ATP6V1A: variants seen among roughly 807,000 people sequenced by gnomAD.
The protein encoded by ATP6V1A is ATPase H+ transporting V1 subunit A, also known as V-type proton ATPase catalytic subunit A.
In ATP6V1A, 18 loss-of-function variants were observed where a neutral mutation model predicts 70.1. The observed-to-expected ratio is 0.26, with a 90% confidence interval of 0.18 to 0.38. The LOEUF (loss-of-function observed/expected upper bound fraction) is 0.38. Ranked by LOEUF, ATP6V1A falls within the 10% of genes least tolerant of loss-of-function variation. The probability of loss-of-function intolerance (pLI) is 1.00; values close to 1 mark genes in which losing one functional copy is unlikely to be tolerated. For synonymous variants in ATP6V1A, 232 were observed against 253.8 expected, an observed-to-expected ratio of 0.91 and a Z score of 0.82; for missense variants, 424 against 772.4, an observed-to-expected ratio of 0.55 and a Z score of 5.35.
intron 8 of ATP6V1A, among the ~76,000 whole-genome samples, chr3:113,790,507 T>A (rs190273221): frequency 8.9e-4 from 135 of 152,252 alleles, no homozygotes; most frequent in Non-Finnish European, 1.3e-3. Context: ...ATTAATATAT[T>A]TTGTCTGGGG....
At chr3:113,781,215 A>T in intron 3 of ATP6V1A, 37 bp downstream of exon 3, 5 of 1,574,748 alleles carry the variant, frequency 3.2e-6, no homozygotes, top group Non-Finnish European at 4.3e-6. Flanking sequence ...CACTTTCTAT[A>T]TTTCAAAATT....
chr3:113,795,521 G>A (rs1374852823), intron 10 of ATP6V1A, among the ~76,000 whole-genome samples: 17 of 151,732 alleles, frequency 1.1e-4, no homozygotes, highest in Admixed American at 1.1e-3. Flanking sequence ...TAAAAAGAAA[G>A]TGAAGATTCG....
Position 113,810,550 on chromosome 3 carries a change from A to G in ATP6V1A, c.*1123A>G, listed in dbSNP as rs11541672. 8 of 152,230 alleles carry G rather than the reference A, an allele frequency of 5.3e-5. No individual in the cohort carries two copies. The highest frequency in any genetic ancestry group is 1.0e-4 in the Non-Finnish European group (7 of 68,040). 9.4% of individuals were successfully genotyped at this position (152,230 alleles called of 1,614,324 possible). On this transcript the variant is annotated 3_prime_UTR_variant, in exon 15 of 15. Coordinates refer to ENST00000273398, the MANE Select transcript of ATP6V1A (RefSeq NM_001690.4). ...GGAAGTTCTTTTTAAAATGACACTTAAAACAATCACTGAAAACTTGATCCA... is the reference window on the plus strand; with the variant it reads ...GGAAGTTCTTTTTAAAATGACACTTGAAACAATCACTGAAAACTTGATCCA...
intron 1 of ATP6V1A, among the ~76,000 whole-genome samples, chr3:113,776,612 C>T (rs1012571854): frequency 3.9e-5 from 6 of 152,164 alleles, no homozygotes; most frequent in African/African-American, 1.2e-4. Flanking sequence ...AGAGCTTCTT[C>T]GACTTATCCT....
intron 6 of ATP6V1A, among the ~76,000 whole-genome samples, chr3:113,786,895 C>T (rs1444422979): frequency 1.3e-5 from 2 of 152,066 alleles, no homozygotes; most frequent in Non-Finnish European, 2.9e-5. Flanking sequence ...CCTCCTGCCT[C>T]ACCCTCCTGA....
chr3:113,752,480 A>G (rs1437427892), intron 1 of ATP6V1A, among the ~76,000 whole-genome samples: 3 of 151,978 alleles, frequency 2.0e-5, no homozygotes, highest in Non-Finnish European at 4.4e-5. Context: ...ATTTGAATTC[A>G]TAATGTCAGT....
At chr3:113,771,983 A>T (rs1708846897) in intron 1 of ATP6V1A, among the ~76,000 whole-genome samples, 1 of 152,142 alleles carries the variant, frequency 6.6e-6, no homozygotes, top group Admixed American at 6.5e-5. Flanking sequence ...ATTCACTTCG[A>T]TGTTTACCTG....
chr3:113,800,760 T>C (rs1709202968), intron 12 of ATP6V1A, among the ~76,000 whole-genome samples: 1 of 152,180 alleles, frequency 6.6e-6, no homozygotes, highest in South Asian at 2.1e-4. Flanking sequence ...AAAAAGAGTT[T>C]TTTGATTACA....
Position 113,756,990 on chromosome 3 carries a change from A to G in ATP6V1A, c.-14+9877A>G, listed in dbSNP as rs184660023. On this transcript the variant is annotated intron_variant, in intron 1 of 14. Coordinates refer to ENST00000273398, the MANE Select transcript of ATP6V1A (RefSeq NM_001690.4). ...GAGGAGCTTTATTTAGATGAGTTATAAAATCCACAAATTATTTTGAATATA... is the reference window on the plus strand; with the variant it reads ...GAGGAGCTTTATTTAGATGAGTTATGAAATCCACAAATTATTTTGAATATA... 8.8e-4 allele frequency among the ~76,000 whole-genome samples: 134 copies of G among 152,330 alleles called. 1 individual carries two copies. Among genetic ancestry groups the G allele is most frequent in the African/African-American group, 3.1e-3 (128 of 41,570 alleles).
At chr3:113,802,382 G>C (rs1046298256) in intron 12 of ATP6V1A, among the ~76,000 whole-genome samples, 1 of 152,150 alleles carries the variant, frequency 6.6e-6, no homozygotes, top group Non-Finnish European at 1.5e-5. Flanking sequence ...CCAGGCTGGA[G>C]TGCAGTGGCG....
intron 1 of ATP6V1A, among the ~76,000 whole-genome samples, chr3:113,752,323 C>A (rs1417252511): frequency 6.7e-6 from 1 of 150,188 alleles, no homozygotes; most frequent in Non-Finnish European, 1.5e-5. Context: ...TTGGAAAATA[C>A]CTTTAAAATT....
At chr3:113,781,231 A>G in intron 3 of ATP6V1A, 53 bp downstream of exon 3, 1 of 1,554,982 alleles carries the variant, frequency 6.4e-7, no homozygotes, top group Non-Finnish European at 8.7e-7. Context: ...AAATTTAAGG[A>G]TTTAGGCCAG....
chr3:113,795,254 ATTAAAGAGAGAAAAAAAGTCACTTATT>A, intron 10 of ATP6V1A, 50 bp downstream of exon 10: 2 of 1,559,520 alleles, frequency 1.3e-6, no homozygotes, highest in Non-Finnish European at 1.7e-6. Flanking sequence ...TCACAGATGT[ATTAAAGAGAGAAAAAAAGTCACTTATT>A]TTAAAGAGAG....
At chr3:113,780,637 C>T (rs578070475) in intron 2 of ATP6V1A, 2 of 697,008 alleles carry the variant, frequency 2.9e-6, no homozygotes, top group East Asian at 1.3e-4. Flanking sequence ...GGTAACAGCA[C>T]AGCGAAGTGA....
intron 1 of ATP6V1A, among the ~76,000 whole-genome samples, chr3:113,748,872 G>A (rs1209066865): frequency 6.6e-6 from 1 of 152,130 alleles, no homozygotes; most frequent in Non-Finnish European, 1.5e-5. Context: ...TATATATGTA[G>A]TTTTATCCAT....
chr3:113,765,472 C>T (rs998807984), intron 1 of ATP6V1A, among the ~76,000 whole-genome samples: 3 of 151,530 alleles, frequency 2.0e-5, no homozygotes, highest in African/African-American at 4.9e-5. Context: ...GGTGTGGTGG[C>T]GCATGTCTGT....
chr3:113,789,018 A>T, intron 7 of ATP6V1A, 143 bp downstream of exon 7: 1 of 744,138 alleles, frequency 1.3e-6, no homozygotes, highest in Admixed American at 3.2e-5. Context: ...TATATTTGTA[A>T]TTAATCTGTA....
intron 3 of ATP6V1A, 105 bp downstream of exon 3, chr3:113,781,283 C>T: frequency 7.8e-7 from 1 of 1,283,968 alleles, no homozygotes; most frequent in Non-Finnish European, 1.0e-6. Flanking sequence ...CTTTGGGAGG[C>T]AGGCAGGTGG....
At chr3:113,792,413 C>T (rs1287260566) in intron 8 of ATP6V1A, among the ~76,000 whole-genome samples, 1 of 152,092 alleles carries the variant, frequency 6.6e-6, no homozygotes, top group Non-Finnish European at 1.5e-5. Context: ...TCATGGCTCA[C>T]TGCAGCTTTG....
Sources: gnomAD v4.1 joint callset for allele counts (sites outside exome capture counted in the v4.1 genomes callset) on GRCh38, gnomAD v4.1.1 for gene constraint, MANE v1.5 for transcripts, NCBI Gene and HGNC (gene_info 2026-07-23, HGNC 2026-07-21) for gene names.